L2HGDH: variants seen among roughly 807,000 people sequenced by gnomAD.
The protein encoded by L2HGDH is L-2-hydroxyglutarate dehydrogenase, mitochondrial.
A neutral mutation model predicts 51.5 loss-of-function variants in L2HGDH; 34 were observed. The ratio of observed to expected loss-of-function variants is 0.66; its 90% CI spans 0.50 to 0.88. The LOEUF is 0.88. Ranked by LOEUF, L2HGDH falls within the 40% of genes least tolerant of loss-of-function variation. The probability of loss-of-function intolerance (pLI) is 0.00; values close to 1 mark genes in which losing one functional copy is unlikely to be tolerated. For missense variants in L2HGDH, 558 were observed against 571.9 expected (o/e 0.98, Z 0.25); for synonymous variants, 198 against 197.9 (o/e 1.00, Z -0.01).
At chr14:50,269,359 G>C (rs1889536397) in intron 6 of L2HGDH, 29 bp from the exon 7 acceptor site, 1 of 1,604,360 alleles carries the variant, frequency 6.2e-7, no homozygotes, top group Non-Finnish European at 8.5e-7. Flanking sequence ...ACAGTTATTT[G>C]TATAAAGTGG....
chr14:50,270,452 C>T (rs1889605635), intron 6 of L2HGDH, among the ~76,000 whole-genome samples: 1 of 152,076 alleles, frequency 6.6e-6, no homozygotes, highest in African/African-American at 2.4e-5. Flanking sequence ...TCAGAGTTCT[C>T]ACCTGTCTCA....
intron 9 of L2HGDH, among the ~76,000 whole-genome samples, chr14:50,261,732 C>G (rs775503959): frequency 6.6e-6 from 1 of 152,188 alleles, no homozygotes; most frequent in African/African-American, 2.4e-5. Context: ...GATCCTCCCA[C>G]CTCAGCCTCC....
intron 9 of L2HGDH, among the ~76,000 whole-genome samples, chr14:50,250,545 G>A (rs973131135): frequency 6.6e-6 from 1 of 152,074 alleles, no homozygotes; most frequent in Non-Finnish European, 1.5e-5. Context: ...CTCTGGACAC[G>A]CCTGGGGCCT....
intron 1 of L2HGDH, among the ~76,000 whole-genome samples, chr14:50,309,193 C>T (rs2030907254): frequency 6.6e-6 from 1 of 152,142 alleles, no homozygotes; most frequent in Non-Finnish European, 1.5e-5. Flanking sequence ...TTTTAGAGAT[C>T]ATGCTTTTGA....
chr14:50,287,173 T>C, intron 4 of L2HGDH: 2 of 984,690 alleles, frequency 2.0e-6, no homozygotes, highest in Non-Finnish European at 2.4e-6. Context: ...ACTGACCTCA[T>C]TCCAAGGACC....
chr14:50,265,223 G>A (rs1472298982), intron 9 of L2HGDH, 135 bp downstream of exon 9: 3 of 714,996 alleles, frequency 4.2e-6, no homozygotes, highest in Non-Finnish European at 7.2e-6. Context: ...AACATGTTGG[G>A]AAAGAAAGCA....
chr14:50,289,367 A>G (rs1890738163), intron 4 of L2HGDH, among the ~76,000 whole-genome samples: 1 of 152,220 alleles, frequency 6.6e-6, no homozygotes, highest in South Asian at 2.1e-4. Flanking sequence ...AAGAATACAC[A>G]TAACTAAATA....
intron 9 of L2HGDH, among the ~76,000 whole-genome samples, chr14:50,257,342 T>C (rs1215790668): frequency 6.6e-6 from 1 of 152,000 alleles, no homozygotes; most frequent in Non-Finnish European, 1.5e-5. Flanking sequence ...TAACCAGCTG[T>C]CTAACCTAGT....
At chr14:50,256,518 C>CA (rs753470144) in intron 9 of L2HGDH, among the ~76,000 whole-genome samples, 1,153 of 71,858 alleles carry the variant, frequency 0.016, 7 homozygotes, top group Middle Eastern at 0.039. Context: ...GCCTGTCTTA[C>CA]AAAAAAAAAA....
chr14:50,267,953 C>T (rs1595088003), intron 7 of L2HGDH, 43 bp from the exon 8 acceptor site: 7 of 1,572,830 alleles, frequency 4.5e-6, no homozygotes, highest in Admixed American at 1.7e-5. Flanking sequence ...TTTCACATTC[C>T]ATGTTATCAG....
chr14:50,309,331 G>A (rs927665863), intron 1 of L2HGDH, among the ~76,000 whole-genome samples: 8 of 152,206 alleles, frequency 5.3e-5, no homozygotes, highest in African/African-American at 1.7e-4. Context: ...GGGAGGCTGA[G>A]GCGGGTGGAT....
At chr14:50,270,216 G>A (rs1431919276) in intron 6 of L2HGDH, among the ~76,000 whole-genome samples, 1 of 152,108 alleles carries the variant, frequency 6.6e-6, no homozygotes, top group African/African-American at 2.4e-5. Context: ...CTAATGTTAG[G>A]CTGTTATGAT....
At chr14:50,311,839 A>G (rs2139245167) in intron 1 of L2HGDH, among the ~76,000 whole-genome samples, 172 bp downstream of exon 1, 1 of 152,298 alleles carries the variant, frequency 6.6e-6, no homozygotes, top group African/African-American at 2.4e-5. Context: ...CGTAAATACA[A>G]CGAATGAACC....
chr14:50,306,821 T>A (rs78230395), intron 1 of L2HGDH, among the ~76,000 whole-genome samples: 22,473 of 151,712 alleles, frequency 0.15, 1,914 homozygotes, highest in East Asian at 0.47. Flanking sequence ...AAATTTTTTT[T>A]TAAAAAATTT....
At chr14:50,249,577 G>A (rs1888215119) in intron 9 of L2HGDH, among the ~76,000 whole-genome samples, 1 of 152,126 alleles carries the variant, frequency 6.6e-6, no homozygotes, top group Non-Finnish European at 1.5e-5. Context: ...CTGCCTTGGA[G>A]GGAAAAACCC....
At chr14:50,290,005 C>T (rs913534791) in intron 4 of L2HGDH, among the ~76,000 whole-genome samples, 3 of 152,148 alleles carry the variant, frequency 2.0e-5, no homozygotes, top group African/African-American at 7.2e-5. Context: ...GTGGCTCACG[C>T]CTGTAATCCT....
intron 3 of L2HGDH, among the ~76,000 whole-genome samples, chr14:50,294,615 C>CA (rs2029922243): frequency 6.6e-6 from 1 of 152,194 alleles, no homozygotes; most frequent in East Asian, 1.9e-4. Flanking sequence ...TTTTCCCCCC[C>CA]AAAACAGAAT....
At chr14:50,271,920 C>T (rs868471131) in intron 6 of L2HGDH, among the ~76,000 whole-genome samples, 19 of 152,308 alleles carry the variant, frequency 1.2e-4, no homozygotes, top group African/African-American at 4.3e-4. Context: ...GTGGGTGAAT[C>T]ACTTGAGGCC....
rs537989644 is a variant in L2HGDH at position 50,283,126 on chromosome 14, G to A, written c.703+745C>T. Among the ~76,000 whole-genome samples, 3 of 152,158 alleles carry A rather than the reference G, an allele frequency of 2.0e-5. No homozygotes were observed. The East Asian group carries it at 5.8e-4, about 29-fold the overall frequency. On this transcript the variant is annotated intron_variant, in intron 5 of 9. Transcript: ENST00000267436. Reference sequence around the variant, plus strand: ...TCAGGTGGGAGGATCACTTGAGCCTGGGAGGTGAAGGTTACAGTGAGCCGG... The same window carrying A: ...TCAGGTGGGAGGATCACTTGAGCCTAGGAGGTGAAGGTTACAGTGAGCCGG...
Sources: allele counts gnomAD v4.1 joint callset (sites outside exome capture counted in the v4.1 genomes callset), GRCh38; gene constraint gnomAD v4.1.1; transcripts MANE v1.5; gene names NCBI Gene and HGNC (gene_info 2026-07-23, HGNC 2026-07-21).